The following GHRL variants were observed in gnomAD, a reference collection of about 807,000 sequenced individuals.
GHRL encodes the protein appetite-regulating hormone.
GHRL carries 24 observed loss-of-function variants against 16.9 expected under a neutral mutation model. That is an observed-to-expected ratio of 1.42 (90% CI 1.03 to 2.00). The LOEUF is 2.00. GHRL is among the 30% of genes most tolerant of loss of function. The probability of loss-of-function intolerance (pLI) is 0.00; values close to 1 mark genes in which losing one functional copy is unlikely to be tolerated. For missense variants in GHRL, 193 were observed against 142.1 expected (o/e 1.36, Z -1.82); for synonymous variants, 63 against 58.2 (o/e 1.08, Z -0.37).
chr3:10,286,013 T>C, intron 5 of GHRL, 119 bp from the exon 6 acceptor site: 2 of 891,822 alleles, frequency 2.2e-6, no homozygotes, highest in Non-Finnish European at 3.6e-6. Context: ...AGCACTGGCC[T>C]TGGAGTCAGA....
intron 4 of GHRL, among the ~76,000 whole-genome samples, chr3:10,288,893 G>A (rs114908171): frequency 0.018 from 2,750 of 152,256 alleles, 81 homozygotes; most frequent in African/African-American, 0.062. Context: ...TCCACACACC[G>A]CTGTGGTACC....
chr3:10,287,043 C>T, intron 4 of GHRL: 1 of 434,806 alleles, frequency 2.3e-6, no homozygotes. Flanking sequence ...ACTCTCATGC[C>T]TCTCAGCCTT....
At chr3:10,290,430 A>C (rs1327051193) in intron 2 of GHRL, 1 of 509,066 alleles carries the variant, frequency 2.0e-6, no homozygotes, top group Non-Finnish European at 3.6e-6. Context: ...GCAGGACTTG[A>C]TAGGGGCTGG....
In GHRL at chr3:10,290,725, C is replaced by T; in HGVS notation, c.-39G>A. On this transcript the variant is annotated 5_prime_UTR_variant, in exon 2 of 6. Coordinates refer to ENST00000335542, the MANE Select transcript of GHRL (RefSeq NM_016362.5). ...AGTAGAGAGAGCTTACCTGCAGTTC[C>T]TGGCGGAGGTGGTGCCTGGTGGCTG... 1 of 1,001,108 alleles carries T rather than the reference C, an allele frequency of 1.0e-6. No homozygotes were observed. Among genetic ancestry groups the T allele is most frequent in the Non-Finnish European group, 1.2e-6 (1 of 839,786 alleles). 62.0% of individuals were successfully genotyped at this position (1,001,108 alleles called of 1,614,324 possible). A position where few individuals can be genotyped will look rare whatever the true frequency, so the allele number is the denominator to read the frequency against.
chr3:10,290,011 C>T, intron 3 of GHRL, 62 bp downstream of exon 3: 3 of 1,588,058 alleles, frequency 1.9e-6, no homozygotes, highest in Non-Finnish European at 2.6e-6. Context: ...CTCCAGGTCA[C>T]AGAGCTGGTT....
intron 5 of GHRL, 122 bp from the exon 6 acceptor site, chr3:10,286,016 G>GA: frequency 1.2e-6 from 1 of 845,178 alleles, no homozygotes; most frequent in Non-Finnish European, 2.0e-6. Context: ...ACTGGCCTTG[G>GA]AGTCAGAGGG....
Position 10,290,119 on chromosome 3 carries a change from G to T in GHRL, c.62C>A (p.Ala21Asp), listed in dbSNP as rs758478747. 6.2e-7 allele frequency: 1 copy of T among 1,613,258 alleles called. No individual in the cohort carries two copies. The highest frequency in any genetic ancestry group is 8.5e-7 in the Non-Finnish European group (1 of 1,179,830). The part of the protein sequence containing the change: ...LLLGMLWLDL[A>D]MAGSSFLSPE... ...GCTCAGGAAGCTGGAGCCTGCCATG[G>T]CCAAGTCCAGCCAGAGCATGCCGAG... The change falls in exon 3 of 6, where the codon GCC becomes GAC. Residue 21 changes from alanine (A) to aspartate (D), a missense_variant. Ala to Asp is a moderately radical substitution (Grantham distance 126, BLOSUM62 -2). Coordinates refer to ENST00000335542, the MANE Select transcript of GHRL (RefSeq NM_016362.5).
intron 2 of GHRL, chr3:10,290,450 C>G (rs955002510): frequency 6.8e-6 from 3 of 441,526 alleles, no homozygotes; most frequent in Middle Eastern, 1.3e-3. Flanking sequence ...GGGGTCCTCC[C>G]CGGTGCCTTT....
chr3:10,292,582 A>C (rs756226136), intron 1 of GHRL: 33 of 474,124 alleles, frequency 7.0e-5, no homozygotes, highest in Non-Finnish European at 1.1e-4. Context: ...TGGTGGCTAA[A>C]ATCCCACCTT....
At chr3:10,290,594 A>G (rs530807447) in intron 2 of GHRL, 122 bp downstream of exon 2, 33 of 331,370 alleles carry the variant, frequency 1.0e-4, no homozygotes, top group Non-Finnish European at 1.4e-4. Flanking sequence ...TTCCAGCCAG[A>G]CAGTCCGACA....
Position 10,289,864 on chromosome 3 carries a change from C to G in GHRL, c.123G>C (p.Ser41=). 1 of 1,612,702 alleles carries G rather than the reference C, an allele frequency of 6.2e-7. No individual in the cohort carries two copies. The part of the protein sequence containing the change: ...EHQRVQQRKE[S]KKPPAKLQPR... ...GCTGCAGCTTGGCTGGTGGCTTCTTCGACTCCTTTCTCTGCTGGAAGGGGG... is the reference window on the plus strand; with the variant it reads ...GCTGCAGCTTGGCTGGTGGCTTCTTGGACTCCTTTCTCTGCTGGAAGGGGG... Residue 41 remains serine, a synonymous_variant, in exon 4 of 6, where the codon TCG becomes TCC. Coordinates refer to ENST00000335542, the MANE Select transcript of GHRL (RefSeq NM_016362.5).
In GHRL at chr3:10,285,845, TAGAG is replaced by T. The variant is rs757282700; in HGVS notation, c.*26_*29del. 6.7e-5 allele frequency: 108 copies of T among 1,604,790 alleles called. No individual in the cohort carries two copies. Among genetic ancestry groups the T allele is most frequent in the African/African-American group, 3.3e-4 (25 of 74,836 alleles). On this transcript the variant is annotated 3_prime_UTR_variant, in exon 6 of 6. Transcript: ENST00000335542. ...AAAGCCAGATGAGCGCTTCTAAACTTAGAGAGAGGTGAGTAAGGCTTGTGGGCGA... is the reference window on the plus strand; with the variant it reads ...AAAGCCAGATGAGCGCTTCTAAACTTAGAGGTGAGTAAGGCTTGTGGGCGA...
rs570462177 is a variant in GHRL at position 10,291,097 on chromosome 3, C to T, written c.-411G>A. On this transcript the variant is annotated 5_prime_UTR_variant, in exon 2 of 6. It removes an upstream start codon present in the reference 5' UTR. Coordinates refer to ENST00000335542, the MANE Select transcript of GHRL (RefSeq NM_016362.5). ...TTCTCCCTGGGTAAAATGAGGCTGT[C>T]ATCACTAGGAGAGCTCTGAGACCTC... is the stretch of plus-strand genomic sequence containing the variant. The T allele has an allele frequency of 3.0e-6, 3 of 985,678 alleles. No individual in the cohort carries two copies. Among genetic ancestry groups the T allele is most frequent in the South Asian group, 9.4e-5 (2 of 21,294 alleles). The allele number at this position is 985,678 out of a possible 1,614,324, so 61.1% of individuals were successfully genotyped here.
At position 10,290,961 on chromosome 3, in the gene GHRL, G is replaced by A. The variant is rs969812757; in HGVS notation, c.-275C>T. 79 of 985,820 alleles carry A rather than the reference G, an allele frequency of 8.0e-5. No homozygotes were observed. The South Asian group carries it at 1.8e-3, about 22-fold the overall frequency. 61.1% of individuals were successfully genotyped at this position (985,820 alleles called of 1,614,324 possible). On this transcript the variant is annotated 5_prime_UTR_variant, in exon 2 of 6. Coordinates refer to ENST00000335542, the MANE Select transcript of GHRL (RefSeq NM_016362.5). ...TGTGCTCCAGCTGTCCCTGGAACAC[G>A]GTGGCGGGGTGCCCCAAGTGGGCAT... is the stretch of plus-strand genomic sequence containing the variant.
intron 4 of GHRL, among the ~76,000 whole-genome samples, chr3:10,288,992 A>C (rs1352532155): frequency 6.6e-6 from 1 of 152,150 alleles, no homozygotes; most frequent in Non-Finnish European, 1.5e-5. Flanking sequence ...TGTCGTAGGG[A>C]GGAGGTGGGG....
intron 2 of GHRL, 97 bp from the exon 3 acceptor site, chr3:10,290,306 C>T (rs1699796520): frequency 8.2e-7 from 1 of 1,213,504 alleles, no homozygotes; most frequent in East Asian, 2.6e-5. Context: ...AAGGGCTTTA[C>T]CATCTGGGGT....
At chr3:10,290,553 G>C (rs946787114) in intron 2 of GHRL, among the ~76,000 whole-genome samples, 163 bp downstream of exon 2, 3 of 152,172 alleles carry the variant, frequency 2.0e-5, no homozygotes, top group African/African-American at 7.2e-5. Context: ...CAGGGAGGGG[G>C]TTAGAGGTAG....
intron 2 of GHRL, 162 bp from the exon 3 acceptor site, chr3:10,290,371 T>C (rs1699810669): frequency 1.4e-5 from 9 of 649,168 alleles, no homozygotes; most frequent in South Asian, 1.4e-4. Context: ...TAGAAGATGA[T>C]GGATGTGTGT....
intron 5 of GHRL, among the ~76,000 whole-genome samples, chr3:10,286,489 G>T (rs1296284754): frequency 1.3e-5 from 2 of 152,220 alleles, no homozygotes; most frequent in African/African-American, 4.8e-5. Flanking sequence ...TAATGTACTA[G>T]TTCTTAGAAC....
Sources: gnomAD v4.1 joint callset for allele counts (sites outside exome capture counted in the v4.1 genomes callset) on GRCh38, gnomAD v4.1.1 for gene constraint, MANE v1.5 for transcripts, NCBI Gene and HGNC (gene_info 2026-07-23, HGNC 2026-07-21) for gene names.